EML4: variants seen among roughly 807,000 people sequenced by gnomAD.
The protein encoded by EML4 is echinoderm microtubule-associated protein-like 4.
EML4 carries 72 observed loss-of-function variants against 129.0 expected under a neutral mutation model. The observed-to-expected ratio is 0.56, with a 90% CI of 0.46 to 0.68. The LOEUF (loss-of-function observed/expected upper bound fraction) is 0.68, where lower values mean the gene tolerates loss of function less well. EML4 is among the 30% of genes least tolerant of loss of function. EML4 has a pLI of 0.00. For missense variants in EML4, 1,363 were observed against 1,190.6 expected, an observed-to-expected ratio of 1.14 and a Z score of -2.13; for synonymous variants, 532 against 405.0, an observed-to-expected ratio of 1.31 and a Z score of -3.77.
At position 42,295,436 on chromosome 2, in the gene EML4, T is replaced by G. The variant is rs745959941; in HGVS notation, c.1409T>G (p.Val470Gly). 3.1e-6 allele frequency: 5 copies of G among 1,614,012 alleles called. No individual in the cohort carries two copies. The highest frequency in any genetic ancestry group is 2.2e-5 in the East Asian group (1 of 44,866). ...QCLAFLGNGD[V>G]LTGDSGGVML... ...TTAGCATTCTTGGGGAATGGAGATGTTCTTACTGGAGACTCAGGTGGAGTC... is the reference window on the plus strand; with the variant it reads ...TTAGCATTCTTGGGGAATGGAGATGGTCTTACTGGAGACTCAGGTGGAGTC... Residue 470 changes from valine (V) to glycine (G), a missense_variant, in exon 13 of 23, where the codon GTT becomes GGT. Coordinates refer to ENST00000318522, the MANE Select transcript of EML4 (RefSeq NM_019063.5).
At chr2:42,176,116 T>A (rs1339264607) in intron 1 of EML4, among the ~76,000 whole-genome samples, 1 of 152,162 alleles carries the variant, frequency 6.6e-6, no homozygotes, top group Non-Finnish European at 1.5e-5. Context: ...ACTTCTCTCC[T>A]GAATCAGCTT....
rs961381491 is a variant in EML4, at chr2:42,230,199, C to G, written c.26-15306C>G. On this transcript the variant is annotated intron_variant, in intron 1 of 22. Coordinates refer to ENST00000318522, the MANE Select transcript of EML4 (RefSeq NM_019063.5). ...AAGCACAACCACAACAAATCAACCACTGTTTGGAGAGTTATTGCAAAGTGT... is the reference window on the plus strand; with the variant it reads ...AAGCACAACCACAACAAATCAACCAGTGTTTGGAGAGTTATTGCAAAGTGT... Among the ~76,000 whole-genome samples the G allele has an allele frequency of 8.5e-5, 13 of 152,228 alleles. No homozygotes were observed. In the East Asian group the frequency reaches 1.9e-3, roughly 23 times the overall value.
intron 2 of EML4, among the ~76,000 whole-genome samples, chr2:42,248,023 G>C (rs1352074277): frequency 6.6e-6 from 1 of 151,860 alleles, no homozygotes; most frequent in Non-Finnish European, 1.5e-5. Flanking sequence ...TAGGAGACAC[G>C]GTCTTACTCT....
intron 6 of EML4, among the ~76,000 whole-genome samples, chr2:42,265,400 C>T (rs1234639570): frequency 5.3e-5 from 8 of 152,008 alleles, no homozygotes; most frequent in Admixed American, 2.0e-4. Context: ...CCATGGCACC[C>T]GGCCAATTTT....
chr2:42,245,995 C>T (rs570484922), intron 2 of EML4, among the ~76,000 whole-genome samples: 15 of 152,212 alleles, frequency 9.9e-5, no homozygotes, highest in African/African-American at 3.6e-4. Context: ...TTTTGTGTCT[C>T]TCATTTCATA....
chr2:42,243,488 T>C lies in EML4; in HGVS notation c.26-2017T>C, dbSNP rs185337452. ...GCTCAAAGTTTTCAAATTGTAACTT[T>C]TGTACTTTGTACATATCCTAGGCAC... is the stretch of plus-strand genomic sequence containing the variant. On this transcript the variant is annotated intron_variant, in intron 1 of 22. Coordinates refer to ENST00000318522, the MANE Select transcript of EML4 (RefSeq NM_019063.5). 3.9e-4 allele frequency among the ~76,000 whole-genome samples: 60 copies of C among 152,080 alleles called. No homozygotes were observed. The East Asian group carries it at 7.5e-3, about 19-fold the overall frequency.
intron 3 of EML4, among the ~76,000 whole-genome samples, chr2:42,257,249 G>A (rs566969967): frequency 6.6e-6 from 1 of 152,224 alleles, no homozygotes; most frequent in Admixed American, 6.5e-5. Flanking sequence ...TCCAATAAAA[G>A]TGCTCACAGG....
At chr2:42,325,331 T>TA in intron 19 of EML4, 136 bp from the exon 20 acceptor site, 5 of 621,100 alleles carry the variant, frequency 8.1e-6, no homozygotes, top group South Asian at 7.1e-5. Flanking sequence ...TGCTCAGTTT[T>TA]AGAGGGTGTG....
intron 1 of EML4, among the ~76,000 whole-genome samples, chr2:42,189,522 A>G (rs561428971): frequency 9.2e-5 from 14 of 152,204 alleles, no homozygotes; most frequent in South Asian, 4.1e-4. Flanking sequence ...CAAGGTGGCA[A>G]TGAGCTGTGA....
intron 1 of EML4, among the ~76,000 whole-genome samples, chr2:42,208,415 T>C (rs114604993): frequency 0.012 from 1,761 of 151,162 alleles, 33 homozygotes; most frequent in African/African-American, 0.04. Flanking sequence ...TTTAGAAACC[T>C]ACTCCTTTAA....
At chr2:42,231,351 G>A (rs1460992623) in intron 1 of EML4, among the ~76,000 whole-genome samples, 1 of 152,100 alleles carries the variant, frequency 6.6e-6, no homozygotes, top group Non-Finnish European at 1.5e-5. Context: ...CACAACTCCA[G>A]TTATCAGATA....
intron 19 of EML4, among the ~76,000 whole-genome samples, 159 bp downstream of exon 19, chr2:42,317,683 G>C (rs1460767515): frequency 1.3e-5 from 2 of 152,176 alleles, no homozygotes; most frequent in Admixed American, 1.3e-4. Context: ...CAGAACATCA[G>C]AGTTCCCTGT....
intron 10 of EML4, 124 bp downstream of exon 10, chr2:42,286,503 A>G (rs1379891520): frequency 9.1e-6 from 6 of 659,090 alleles, no homozygotes; most frequent in East Asian, 2.6e-5. Context: ...GATGCTAGCT[A>G]TTGCTAACAT....
At chr2:42,325,635 T>TGC in intron 20 of EML4, 81 bp downstream of exon 20, 1 of 205,212 alleles carries the variant, frequency 4.9e-6, no homozygotes, top group Non-Finnish European at 9.1e-6. Flanking sequence ...TATATATATA[T>TGC]ATATGCTAAG....
intron 1 of EML4, among the ~76,000 whole-genome samples, chr2:42,177,343 A>T (rs1670665229): frequency 6.6e-6 from 1 of 152,078 alleles, no homozygotes; most frequent in Admixed American, 6.6e-5. Context: ...TACTTTGAAA[A>T]TTAAATATGG....
At chr2:42,264,103 GTTTTTTTTTTT>G (rs9309080) in intron 5 of EML4, among the ~76,000 whole-genome samples, 2 of 100,748 alleles carry the variant, frequency 2.0e-5, no homozygotes, top group East Asian at 3.1e-4. Context: ...AACAATACGT[GTTTTTTTTTTT>G]TTTTTTTTTT....
chr2:42,269,147 A>G (rs1666230570), intron 6 of EML4, among the ~76,000 whole-genome samples: 2 of 152,228 alleles, frequency 1.3e-5, no homozygotes, highest in South Asian at 4.1e-4. Context: ...ACTGTTAGCT[A>G]CCTGTCCAAA....
At chr2:42,193,329 T>C (rs1489238759) in intron 1 of EML4, among the ~76,000 whole-genome samples, 1 of 152,260 alleles carries the variant, frequency 6.6e-6, no homozygotes, top group African/African-American at 2.4e-5. Context: ...TTCTCAGAAC[T>C]GACACATGTC....
chr2:42,224,081 A>G (rs1008620573), intron 1 of EML4, among the ~76,000 whole-genome samples: 3 of 152,144 alleles, frequency 2.0e-5, no homozygotes, highest in African/African-American at 7.2e-5. Flanking sequence ...CACATGCCAT[A>G]TGAATCACCC....
Sources: allele counts gnomAD v4.1 joint callset (sites outside exome capture counted in the v4.1 genomes callset), GRCh38; gene constraint gnomAD v4.1.1; transcripts MANE v1.5; gene names NCBI Gene and HGNC (gene_info 2026-07-23, HGNC 2026-07-21).